The following PLEKHA8 variants were observed in gnomAD, a reference collection of about 807,000 sequenced individuals.
PLEKHA8 encodes pleckstrin homology domain containing A8.
In PLEKHA8, 36 loss-of-function variants were observed where a neutral mutation model predicts 68.2. The observed-to-expected ratio is 0.53, with a 90% CI of 0.40 to 0.70. The LOEUF (loss-of-function observed/expected upper bound fraction) is 0.70. PLEKHA8 is among the 30% of genes least tolerant of loss of function. PLEKHA8 has a pLI of 0.00. For synonymous variants in PLEKHA8, 211 were observed against 216.1 expected, an observed-to-expected ratio of 0.98 and a Z score of 0.20; for missense variants, 505 against 615.4, an observed-to-expected ratio of 0.82 and a Z score of 1.90.
intron 6 of PLEKHA8, 57 bp from the exon 7 acceptor site, chr7:30,052,640 CAAAAAAAAAAAA>C: frequency 2.8e-6 from 3 of 1,062,594 alleles, no homozygotes; most frequent in Non-Finnish European, 3.6e-6. Flanking sequence ...GACCCTGTTT[CAAAAAAAAAAAA>C]AAAAAAAAGA....
At chr7:30,108,375 G>A (rs1796149860) in intron 13 of PLEKHA8, among the ~76,000 whole-genome samples, 1 of 152,026 alleles carries the variant, frequency 6.6e-6, no homozygotes, top group African/African-American at 2.4e-5. Context: ...AAATGAGGTG[G>A]GCAGTGTTCC....
exon 13 of PLEKHA8, chr7:30,090,282 C>G (rs1417532165): frequency 1.5e-5 from 20 of 1,351,646 alleles, no homozygotes; most frequent in Non-Finnish European, 2.0e-5. Context: ...AACTTCCTTT[C>G]CACAAGATTC....
exon 14 of PLEKHA8, chr7:30,129,340 C>T (rs1796835157): frequency 6.2e-7 from 1 of 1,612,498 alleles, no homozygotes; most frequent in Admixed American, 1.7e-5. Context: ...ATGGAAGCCA[C>T]ACACTAAGGA....
At chr7:30,058,565 C>T (rs1018288229) in intron 9 of PLEKHA8, among the ~76,000 whole-genome samples, 4 of 150,420 alleles carry the variant, frequency 2.7e-5, no homozygotes, top group African/African-American at 9.8e-5. Context: ...GCAGCTCTGT[C>T]AAAAACCAAT....
intron 1 of PLEKHA8, among the ~76,000 whole-genome samples, chr7:30,044,372 G>C (rs1320629788): frequency 6.6e-6 from 1 of 152,088 alleles, no homozygotes; most frequent in Non-Finnish European, 1.5e-5. Flanking sequence ...GCAAATGAGT[G>C]GTTTGACTAG....
chr7:30,074,270 G>GTA (rs2127996426), intron 13 of PLEKHA8, 138 bp downstream of exon 13: 21 of 647,386 alleles, frequency 3.2e-5, no homozygotes, highest in Middle Eastern at 2.7e-4. Context: ...GTGTGTGTGT[G>GTA]TGTATGTGTG....
intron 13 of PLEKHA8, among the ~76,000 whole-genome samples, chr7:30,108,067 C>CAAAAAAAAAAAAAAAAAAAAAAAAAAA (rs796801365): frequency 3.8e-5 from 2 of 52,826 alleles, no homozygotes; most frequent in African/African-American, 1.5e-4. Context: ...AACTCCATCT[C>CAAAAAAAAAAAAAAAAAAAAAAAAAAA]AAAAAAAAAA....
In PLEKHA8 at chr7:30,105,069, G is replaced by A. The variant is rs1022379394; in HGVS notation, c.1363-24197G>A. Among the ~76,000 whole-genome samples the A allele has an allele frequency of 1.2e-4, 19 of 152,016 alleles. 1 individual carries two copies. Among genetic ancestry groups the A allele is most frequent in the Admixed American group, 1.2e-3 (19 of 15,250 alleles). On this transcript the variant is annotated intron_variant, in intron 13 of 13. Coordinates refer to the PLEKHA8 transcript ENST00000396257. The stretch of plus-strand genomic sequence containing the variant: ...GGGTGATGAGAATGATCTATATCTT[G>A]CTAGTGGTATGGGTTATATGCGTGG...
At chr7:30,067,179 G>T (rs10254969) in intron 12 of PLEKHA8, among the ~76,000 whole-genome samples, 1 of 152,132 alleles carries the variant, frequency 6.6e-6, no homozygotes, top group African/African-American at 2.4e-5. Flanking sequence ...GAATTCAGAG[G>T]TTACTCTCCT....
rs1023062063 is a variant in PLEKHA8 at position 30,081,808 on chromosome 7, C to T, written c.*3021C>T. On this transcript the variant is annotated 3_prime_UTR_variant, in exon 14 of 14. Coordinates refer to ENST00000449726, the MANE Select transcript of PLEKHA8 (RefSeq NM_001197026.2). ...ATGAGACATTTCCACACAATTTCATCGTGCCTGTACTTTTCTCTATGGTAA... is the reference window on the plus strand; with the variant it reads ...ATGAGACATTTCCACACAATTTCATTGTGCCTGTACTTTTCTCTATGGTAA... 2.1e-5 allele frequency: 21 copies of T among 985,224 alleles called. No individual in the cohort carries two copies. The Admixed American group carries it at 9.2e-4, about 43-fold the overall frequency. 61.0% of individuals were successfully genotyped at this position (985,224 alleles called of 1,614,324 possible). A position where few individuals can be genotyped will look rare whatever the true frequency, so the allele number is the denominator to read the frequency against.
downstream of PLEKHA8, among the ~76,000 whole-genome samples, chr7:30,086,857 G>A (rs1221429840): frequency 6.6e-6 from 1 of 152,136 alleles, no homozygotes; most frequent in African/African-American, 2.4e-5. Context: ...CACATGGATT[G>A]ACACACACAT....
At chr7:30,059,246 G>C (rs559252478) in intron 9 of PLEKHA8, among the ~76,000 whole-genome samples, 59 of 152,284 alleles carry the variant, frequency 3.9e-4, no homozygotes, top group Non-Finnish European at 7.2e-4. Context: ...TCTTTTGTTA[G>C]GAATAAGTTT....
In PLEKHA8 at chr7:30,079,170, C is replaced by T; in HGVS notation, c.*383C>T. On this transcript the variant is annotated 3_prime_UTR_variant, in exon 14 of 14. Coordinates refer to ENST00000449726, the MANE Select transcript of PLEKHA8 (RefSeq NM_001197026.2). ...AAATTCCATATTAAGTACCATAATT[C>T]ATAGCCAGTGTTTCAGCCAACTTAG... 2 of 1,012,324 alleles carry T rather than the reference C, an allele frequency of 2.0e-6. No individual in the cohort carries two copies. The highest frequency in any genetic ancestry group is 2.4e-6 in the Non-Finnish European group (2 of 846,364). The allele number at this position is 1,012,324 out of a possible 1,614,324, so 62.7% of individuals were successfully genotyped here. A position where few individuals can be genotyped will look rare whatever the true frequency, so the allele number is the denominator to read the frequency against.
intron 13 of PLEKHA8, among the ~76,000 whole-genome samples, chr7:30,121,823 A>G (rs150612397): frequency 6.6e-6 from 1 of 152,310 alleles, no homozygotes; most frequent in Non-Finnish European, 1.5e-5. Flanking sequence ...CCAGGAAAAG[A>G]TGCTGGCCTT....
chr7:30,069,033 T>G (rs1345441916), intron 12 of PLEKHA8, among the ~76,000 whole-genome samples: 1 of 152,218 alleles, frequency 6.6e-6, no homozygotes, highest in Non-Finnish European at 1.5e-5. Context: ...AGATCTGTTC[T>G]AGACTCCATA....
chr7:30,075,098 G>A (rs1249412480), intron 13 of PLEKHA8: 1 of 152,070 alleles, frequency 6.6e-6, no homozygotes, highest in Non-Finnish European at 1.5e-5. Flanking sequence ...CCTTGCAGAT[G>A]GTATCTTTTA....
chr7:30,036,575 G>A (rs1791115713), intron 1 of PLEKHA8, among the ~76,000 whole-genome samples: 1 of 152,124 alleles, frequency 6.6e-6, no homozygotes. Flanking sequence ...TTGTTTTAAG[G>A]TGCTGGTAGG....
chr7:30,029,459 C>T (rs1326057388), intron 1 of PLEKHA8, among the ~76,000 whole-genome samples: 2 of 152,166 alleles, frequency 1.3e-5, no homozygotes, highest in African/African-American at 4.8e-5. Flanking sequence ...TACAGATTGG[C>T]TTTAAAATAG....
At chr7:30,074,363 A>G (rs1794477457) in intron 13 of PLEKHA8, among the ~76,000 whole-genome samples, 1 of 152,028 alleles carries the variant, frequency 6.6e-6, no homozygotes, top group Non-Finnish European at 1.5e-5. Context: ...GGTGTGTGGA[A>G]ATGTCAGCAG....
Sources: allele counts gnomAD v4.1 joint callset (sites outside exome capture counted in the v4.1 genomes callset), GRCh38; gene constraint gnomAD v4.1.1; transcripts MANE v1.5; gene names NCBI Gene and HGNC (gene_info 2026-07-23, HGNC 2026-07-21).